The following DENND1A variants were observed in gnomAD, a reference collection of about 807,000 sequenced individuals.
DENND1A encodes DENN domain-containing protein 1A.
DENND1A carries 51 observed loss-of-function variants against 113.7 expected under a neutral mutation model. The observed-to-expected ratio is 0.45, with a 90% CI of 0.36 to 0.57. DENND1A has a LOEUF of 0.57. DENND1A is among the 20% of genes least tolerant of loss of function. The pLI, the probability that DENND1A is intolerant of heterozygous loss-of-function variation, is 0.00. For synonymous variants in DENND1A, 565 were observed against 570.8 expected (o/e 0.99, Z 0.14); for missense variants, 1,258 against 1,395.9 (o/e 0.90, Z 1.57).
chr9:123,572,775 T>C (rs1397014463), intron 12 of DENND1A, among the ~76,000 whole-genome samples: 2 of 152,218 alleles, frequency 1.3e-5, no homozygotes, highest in Non-Finnish European at 2.9e-5. Context: ...ATGATGCTTT[T>C]GGGGAGCATA....
At chr9:123,454,640 T>C in intron 16 of DENND1A, 99 bp downstream of exon 16, 1 of 1,206,496 alleles carries the variant, frequency 8.3e-7, no homozygotes, top group South Asian at 1.3e-5. Context: ...GCAGAGAGAA[T>C]GGAGTGCTCC....
Position 123,522,731 on chromosome 9 carries a change from G to C in DENND1A, c.993+34839C>G, listed in dbSNP as rs557445818. Among the ~76,000 whole-genome samples, 32 of 152,158 alleles carry C rather than the reference G, an allele frequency of 2.1e-4. No individual in the cohort carries two copies. The South Asian group carries it at 3.7e-3, about 18-fold the overall frequency. ...TTAATGAGCTCCTACTATGTCCTGG[G>C]CTCCGGGCTGATGAAAATATCACTT... On this transcript the variant is annotated intron_variant, in intron 13 of 23. Transcript: ENST00000394215.
At chr9:123,424,437 A>G (rs1341449072) in intron 19 of DENND1A, among the ~76,000 whole-genome samples, 1 of 152,148 alleles carries the variant, frequency 6.6e-6, no homozygotes, top group Non-Finnish European at 1.5e-5. Flanking sequence ...TGATTTTCTC[A>G]TCTTTACCCC....
intron 1 of DENND1A, among the ~76,000 whole-genome samples, chr9:123,924,748 A>G (rs1856814663): frequency 6.6e-6 from 1 of 152,084 alleles, no homozygotes; most frequent in Admixed American, 6.5e-5. Context: ...CAGTTTTCAG[A>G]TTACCACAAC....
chr9:123,592,785 G>A (rs1467210114), intron 11 of DENND1A, among the ~76,000 whole-genome samples: 2 of 152,128 alleles, frequency 1.3e-5, no homozygotes, highest in Non-Finnish European at 2.9e-5. Context: ...CACTCCAGGT[G>A]CATGCCACTG....
intron 5 of DENND1A, among the ~76,000 whole-genome samples, chr9:123,749,725 A>G (rs756995981): frequency 1.3e-5 from 2 of 152,180 alleles, no homozygotes; most frequent in African/African-American, 4.8e-5. Flanking sequence ...CACTAGAGGT[A>G]GCAAGATGAT....
chr9:123,471,129 T>C (rs1046558306), intron 13 of DENND1A, among the ~76,000 whole-genome samples: 2 of 152,232 alleles, frequency 1.3e-5, no homozygotes, highest in African/African-American at 4.8e-5. Flanking sequence ...GGCTTTTCTT[T>C]ACGAGGTCTG....
At chr9:123,412,637 C>A (rs936864661) in intron 19 of DENND1A, among the ~76,000 whole-genome samples, 33 of 152,208 alleles carry the variant, frequency 2.2e-4, no homozygotes, top group African/African-American at 7.2e-4. Context: ...GACTTCTCAG[C>A]TCTCCCCTCA....
intron 1 of DENND1A, among the ~76,000 whole-genome samples, chr9:123,922,796 A>G (rs1338169608): frequency 6.6e-6 from 1 of 152,210 alleles, no homozygotes; most frequent in African/African-American, 2.4e-5. Context: ...TTGAAGAGGG[A>G]AACACATTCT....
chr9:123,806,197 A>G (rs1018322793), intron 2 of DENND1A, among the ~76,000 whole-genome samples: 1 of 150,504 alleles, frequency 6.6e-6, no homozygotes, highest in Admixed American at 6.6e-5. Flanking sequence ...CAAGGGATCC[A>G]CCCGCCTCAG....
chr9:123,434,689 GA>G (rs1242550103), intron 19 of DENND1A, among the ~76,000 whole-genome samples: 1 of 152,168 alleles, frequency 6.6e-6, no homozygotes, highest in Non-Finnish European at 1.5e-5. Context: ...CTTCCTAGGG[GA>G]GTTGGGAGAA....
rs2042812609 is a variant in DENND1A at position 123,390,988 on chromosome 9, A to G, written c.1632-3130T>C. ...GAATTTCCGGCTTCACCCAGGAGCG[A>G]GGAACCTCTGCGCTGGGCTGTGCCC... is the stretch of plus-strand genomic sequence containing the variant. On this transcript the variant is annotated intron_variant, in intron 21 of 23. Coordinates refer to ENST00000394215, the MANE Select transcript of DENND1A (RefSeq NM_001352964.2). 6.6e-5 allele frequency among the ~76,000 whole-genome samples: 10 copies of G among 152,256 alleles called. 1 individual carries two copies. The highest frequency in any genetic ancestry group is 5.9e-4 in the Admixed American group (9 of 15,280).
intron 1 of DENND1A, among the ~76,000 whole-genome samples, chr9:123,880,203 G>C (rs1848121087): frequency 6.6e-6 from 1 of 152,070 alleles, no homozygotes; most frequent in Admixed American, 6.6e-5. Flanking sequence ...AGTAGAGATG[G>C]GGTTTCACCA....
chr9:123,393,885 G>A (rs1003945067), intron 21 of DENND1A, among the ~76,000 whole-genome samples: 11 of 152,170 alleles, frequency 7.2e-5, no homozygotes, highest in African/African-American at 2.7e-4. Context: ...GAGATACCAG[G>A]TCCTTCCCGC....
rs1161353663 is a variant in DENND1A, at chr9:123,381,237, C to T, written c.*195G>A. 1.6e-6 allele frequency: 1 copy of T among 625,234 alleles called. No individual in the cohort carries two copies. The highest frequency in any genetic ancestry group is 2.8e-5 in the East Asian group (1 of 36,048). 38.7% of individuals were successfully genotyped at this position (625,234 alleles called of 1,614,324 possible). On this transcript the variant is annotated 3_prime_UTR_variant, in exon 24 of 24. Transcript: ENST00000394215. The surrounding 1 kb of genome is among the most constrained non-coding windows in gnomAD (Gnocchi z 4.7). ...CTCAGGAACTGGGTTGATTCCCAGG[C>T]TGGAACTGGTGCCATTCCCCAGGGC...
At chr9:123,548,131 C>A (rs1335965756) in intron 13 of DENND1A, among the ~76,000 whole-genome samples, 4 of 152,164 alleles carry the variant, frequency 2.6e-5, no homozygotes, top group Non-Finnish European at 4.4e-5. Context: ...TCGGTGGCCT[C>A]CTTAGCCACT....
intron 3 of DENND1A, among the ~76,000 whole-genome samples, chr9:123,787,615 C>A (rs1832382286): frequency 6.6e-6 from 1 of 152,142 alleles, no homozygotes; most frequent in Non-Finnish European, 1.5e-5. Context: ...CATATTTAAG[C>A]AATTACATGC....
At chr9:123,769,612 T>A in intron 3 of DENND1A, 49 bp from the exon 4 acceptor site, 2 of 1,519,934 alleles carry the variant, frequency 1.3e-6, no homozygotes, top group Non-Finnish European at 1.8e-6. Flanking sequence ...GACCAGTAAA[T>A]CTAACATTAA....
chr9:123,763,194 G>A (rs2071189454), intron 4 of DENND1A, among the ~76,000 whole-genome samples: 2 of 151,988 alleles, frequency 1.3e-5, no homozygotes, highest in South Asian at 4.1e-4. Context: ...CTTATACAGA[G>A]AGCAGTTTGG....
Sources: gnomAD v4.1 joint callset for allele counts (sites outside exome capture counted in the v4.1 genomes callset) on GRCh38, gnomAD v4.1.1 for gene constraint, Gnocchi (gnomAD v3.1) non-coding constraint, MANE v1.5 for transcripts, NCBI Gene and HGNC (gene_info 2026-07-23, HGNC 2026-07-21) for gene names.